Variants in CD200R1 observed in about 807,000 individuals in gnomAD.
CD200R1 encodes CD200 receptor 1.
A neutral mutation model predicts 38.1 loss-of-function variants in CD200R1; 30 were observed. The observed-to-expected ratio is 0.79, with a 90% CI of 0.59 to 1.07. The LOEUF (loss-of-function observed/expected upper bound fraction) is 1.07, where lower values mean the gene tolerates loss of function less well. Ranked by LOEUF, CD200R1 falls within the 50% of genes least tolerant of loss-of-function variation. CD200R1 has a pLI of 0.00. For missense variants in CD200R1, 372 were observed against 415.4 expected (o/e 0.90, Z 0.91); for synonymous variants, 128 against 152.1 (o/e 0.84, Z 1.16).
At chr3:112,948,636 C>T (rs1940914998) in intron 1 of CD200R1, among the ~76,000 whole-genome samples, 2 of 152,178 alleles carry the variant, frequency 1.3e-5, no homozygotes, top group South Asian at 2.1e-4. Flanking sequence ...ACCTGCCGCT[C>T]ACCCCCTGCT....
At position 112,923,023 on chromosome 3, in the gene CD200R1, TA is replaced by T. The variant is rs1285104263; in HGVS notation, c.*653del. ...TATTGTTTATACCACAAACAAAACT[TA>T]AAAGAAATAAACAAAACTTAAAAGA... On this transcript the variant is annotated 3_prime_UTR_variant, in exon 8 of 8. Coordinates refer to ENST00000308611, the MANE Select transcript of CD200R1 (RefSeq NM_138806.4). 1 of 151,758 alleles carries T rather than the reference TA, an allele frequency of 6.6e-6. No individual in the cohort carries two copies. Among genetic ancestry groups the T allele is most frequent in the Non-Finnish European group, 1.5e-5 (1 of 67,802 alleles). 9.4% of individuals were successfully genotyped at this position (151,758 alleles called of 1,614,324 possible).
chr3:112,972,630 T>G (rs1463112007), intron 1 of CD200R1, among the ~76,000 whole-genome samples: 1 of 152,206 alleles, frequency 6.6e-6, no homozygotes, highest in Non-Finnish European at 1.5e-5. Flanking sequence ...ATAGCTCTGA[T>G]GTACACAATT....
rs754002465 is a variant in CD200R1, at chr3:112,936,165, G to A, written c.137-4994C>T. Among the ~76,000 whole-genome samples the A allele has an allele frequency of 5.9e-4, 90 of 152,116 alleles. 2 individuals are homozygous for A. Among genetic ancestry groups the A allele is most frequent in the Middle Eastern group, 3.2e-3 (1 of 314 alleles). Reference sequence around the variant, plus strand: ...TATACATGGCTGCATAATATTTCATGGTATATATGTACCACATTTTCTTTA... The same window carrying A: ...TATACATGGCTGCATAATATTTCATAGTATATATGTACCACATTTTCTTTA... On this transcript the variant is annotated intron_variant, in intron 2 of 7. Coordinates refer to ENST00000308611, the MANE Select transcript of CD200R1 (RefSeq NM_138806.4).
chr3:112,970,038 C>T (rs968968088), intron 1 of CD200R1, among the ~76,000 whole-genome samples: 2 of 151,778 alleles, frequency 1.3e-5, no homozygotes, highest in East Asian at 1.9e-4. Context: ...ATTAGCCTGG[C>T]GTGGTGGTGC....
Position 112,925,123 on chromosome 3 carries a change from G to A in CD200R1, c.840C>T (p.Ile280=), listed in dbSNP as rs1464425757. The A allele has an allele frequency of 6.2e-6, 10 of 1,607,016 alleles. No homozygotes were observed. The highest frequency in any genetic ancestry group is 1.7e-4 in the Middle Eastern group (1 of 6,052). The change falls in exon 6 of 8, where the codon ATC becomes ATT. Residue 280 remains isoleucine, a synonymous_variant. Transcript: ENST00000308611. ...CTTTCAACAACCAAATGAATCCCACGATGGTCAAAATAATAATAGTAAGGA... is the reference window on the plus strand; with the variant it reads ...CTTTCAACAACCAAATGAATCCCACAATGGTCAAAATAATAATAGTAAGGA... The part of the protein sequence containing the change: ...YIILTIIILT[I]VGFIWLLKVN...
At chr3:112,950,844 A>C (rs1345867717) in intron 1 of CD200R1, among the ~76,000 whole-genome samples, 1 of 152,254 alleles carries the variant, frequency 6.6e-6, no homozygotes, top group Non-Finnish European at 1.5e-5. Context: ...ATTCATGAAG[A>C]AATTAAAGTT....
chr3:112,966,425 T>A (rs1164032683), intron 1 of CD200R1, among the ~76,000 whole-genome samples: 2 of 152,210 alleles, frequency 1.3e-5, no homozygotes, highest in African/African-American at 2.4e-5. Flanking sequence ...CAATTAAAGA[T>A]AAGTAGGATA....
intron 1 of CD200R1, among the ~76,000 whole-genome samples, chr3:112,951,488 G>A (rs1271693831): frequency 6.6e-6 from 1 of 151,616 alleles, no homozygotes; most frequent in Non-Finnish European, 1.5e-5. Context: ...ATTTTATGAA[G>A]GTAGAATTAA....
intron 1 of CD200R1, among the ~76,000 whole-genome samples, chr3:112,954,983 T>C (rs1941057201): frequency 1.3e-5 from 2 of 152,106 alleles, no homozygotes; most frequent in Middle Eastern, 3.2e-3. Flanking sequence ...CAGAATTGAA[T>C]TGAATCAGGA....
intron 5 of CD200R1, among the ~76,000 whole-genome samples, chr3:112,928,558 T>C (rs1412859415): frequency 6.6e-6 from 1 of 151,390 alleles, no homozygotes; most frequent in African/African-American, 2.4e-5. Flanking sequence ...TTTAAAAGTA[T>C]ACTACTCATG....
chr3:112,937,982 C>T (rs1940627077), intron 2 of CD200R1, among the ~76,000 whole-genome samples: 1 of 151,974 alleles, frequency 6.6e-6, no homozygotes, highest in East Asian at 1.9e-4. Flanking sequence ...TATGATTTGG[C>T]TCTTGTCTTG....
intron 1 of CD200R1, among the ~76,000 whole-genome samples, chr3:112,970,211 G>A (rs557173800): frequency 6.6e-6 from 1 of 152,060 alleles, no homozygotes; most frequent in South Asian, 2.1e-4. Flanking sequence ...TTTTAGCCCT[G>A]CTTTAATCCT....
chr3:112,947,895 A>G lies in CD200R1; in HGVS notation c.97T>C (p.Ser33Pro). Reference sequence around the variant, plus strand: ...TCCTTGCTAGTTTGCAGCATTAATGAGTTGTTTGGTTGAGCAGCACCCTCC... The same window carrying G: ...TCCTTGCTAGTTTGCAGCATTAATGGGTTGTTTGGTTGAGCAGCACCCTCC... ...EAEGAAQPNN[S>P]LMLQTSKENH... Residue 33 changes from serine (S) to proline (P), a missense_variant, in exon 2 of 8, where the codon TCA becomes CCA. Physicochemically the swap from Ser to Pro is moderately conservative, Grantham distance 74 (BLOSUM62 -1). Transcript: ENST00000308611. 3 of 1,613,236 alleles carry G rather than the reference A, an allele frequency of 1.9e-6. No homozygotes were observed. The highest frequency in any genetic ancestry group is 2.5e-6 in the Non-Finnish European group (3 of 1,179,218).
chr3:112,931,123 G>A lies in CD200R1; in HGVS notation c.185C>T (p.Ser62Leu), dbSNP rs146696278. The change falls in exon 3 of 8, where the codon TCG becomes TTG. Residue 62 changes from serine (S) to leucine (L), a missense_variant. Physicochemically the swap from Ser to Leu is moderately radical, Grantham distance 145. Transcript: ENST00000308611. ...MDEKQITQNY[S>L]KVLAEVNTSW... is the part of the protein sequence containing the mutation. ...CATATTACCTTCTGCGAGTACTTTC[G>A]AGTAGTTCTGTGTAATCTGTTTTTC... 309 of 1,609,880 alleles carry A rather than the reference G, an allele frequency of 1.9e-4. No individual in the cohort carries two copies. Among genetic ancestry groups the A allele is most frequent in the Non-Finnish European group, 2.5e-4 (291 of 1,176,328 alleles).
chr3:112,951,706 T>A (rs1043007000), intron 1 of CD200R1, among the ~76,000 whole-genome samples: 1 of 151,160 alleles, frequency 6.6e-6, no homozygotes, highest in Non-Finnish European at 1.5e-5. Flanking sequence ...AAAATACTAA[T>A]AATATTTTAA....
At chr3:112,942,077 A>C (rs1485993007) in intron 2 of CD200R1, among the ~76,000 whole-genome samples, 1 of 151,732 alleles carries the variant, frequency 6.6e-6, no homozygotes, top group Non-Finnish European at 1.5e-5. Context: ...GCCTTCCAAA[A>C]AATGTTGAGA....
chr3:112,975,019 A>C lies in CD200R1; in HGVS notation c.-162T>G. The stretch of plus-strand genomic sequence containing the variant: ...TCCCTTCCTTCTAGCCCCTTCCTTC[A>C]CGTCTATGTGGTTTAGCCTGGTTAG... On this transcript the variant is annotated 5_prime_UTR_variant, in exon 1 of 8. Transcript: ENST00000308611. 1 of 618,680 alleles carries C rather than the reference A, an allele frequency of 1.6e-6. No homozygotes were observed. Among genetic ancestry groups the C allele is most frequent in the Non-Finnish European group, 2.9e-6 (1 of 346,330 alleles). 38.3% of individuals were successfully genotyped at this position (618,680 alleles called of 1,614,324 possible).
At chr3:112,958,503 G>A (rs1932920620) in intron 1 of CD200R1, among the ~76,000 whole-genome samples, 1 of 152,162 alleles carries the variant, frequency 6.6e-6, no homozygotes. Context: ...AAAGATACAT[G>A]AGAAATATTT....
chr3:112,931,010 A>G, intron 3 of CD200R1, 96 bp downstream of exon 3: 1 of 857,164 alleles, frequency 1.2e-6, no homozygotes, highest in African/African-American at 1.7e-5. Context: ...TCAAGTAGTC[A>G]TAAGGCTGGC....
Sources: gnomAD v4.1 joint callset for allele counts (sites outside exome capture counted in the v4.1 genomes callset) on GRCh38, gnomAD v4.1.1 for gene constraint, MANE v1.5 for transcripts, NCBI Gene and HGNC (gene_info 2026-07-23, HGNC 2026-07-21) for gene names.